CADM1: variants seen among roughly 807,000 people sequenced by gnomAD.
CADM1 encodes cell adhesion molecule 1, also known as TSLC-1.
A neutral mutation model predicts 53.1 loss-of-function variants in CADM1; 15 were observed. That is an observed-to-expected ratio of 0.28 (90% CI 0.19 to 0.44). CADM1 has a LOEUF of 0.44. Among genes scored for constraint, CADM1 ranks in the 20% least tolerant of loss-of-function variants. The pLI, the probability that CADM1 is intolerant of heterozygous loss-of-function variation, is 1.00. For missense variants in CADM1, 434 were observed against 611.3 expected (o/e 0.71, Z 3.06); for synonymous variants, 281 against 243.0 (o/e 1.16, Z -1.45).
At chr11:115,482,139 C>T (rs748700020) in intron 1 of CADM1, among the ~76,000 whole-genome samples, 11 of 152,100 alleles carry the variant, frequency 7.2e-5, no homozygotes, top group Non-Finnish European at 1.5e-4. Context: ...GGAAAAACTC[C>T]TCTAATACCG....
chr11:115,175,858 T>A lies in CADM1; in HGVS notation c.*616A>T. The stretch of plus-strand genomic sequence containing the variant: ...TTGAAACATGGGCAGCAGCAAAGAG[T>A]TTTCATTGTTTGTTCACCCAAATCT... On this transcript the variant is annotated 3_prime_UTR_variant, in exon 12 of 12. Transcript: ENST00000331581. The A allele has an allele frequency of 1.0e-6, 1 of 992,836 alleles. No individual in the cohort carries two copies. Among genetic ancestry groups the A allele is most frequent in the Non-Finnish European group, 1.2e-6 (1 of 834,262 alleles). The allele number at this position is 992,836 out of a possible 1,614,324, so 61.5% of individuals were successfully genotyped here.
chr11:115,437,109 A>G (rs1948200915), intron 1 of CADM1, among the ~76,000 whole-genome samples: 1 of 152,226 alleles, frequency 6.6e-6, no homozygotes. Flanking sequence ...CAGCAGAGTA[A>G]TAAGTTCTAA....
At chr11:115,501,787 C>T (rs1459836445) in intron 1 of CADM1, among the ~76,000 whole-genome samples, 4 of 152,104 alleles carry the variant, frequency 2.6e-5, no homozygotes, top group Non-Finnish European at 4.4e-5. Flanking sequence ...AACTGGAGGC[C>T]TCTGAGAAAG....
At chr11:115,230,888 G>A (rs539777441) in intron 4 of CADM1, among the ~76,000 whole-genome samples, 12 of 152,312 alleles carry the variant, frequency 7.9e-5, no homozygotes, top group Non-Finnish European at 1.2e-4. Context: ...TGCAATAGAC[G>A]TCAGAATGAC....
intron 1 of CADM1, among the ~76,000 whole-genome samples, chr11:115,381,909 G>A (rs545177877): frequency 5.9e-5 from 9 of 152,110 alleles, no homozygotes; most frequent in Non-Finnish European, 7.4e-5. Flanking sequence ...GCAGTGGCCC[G>A]ATCTCGGCTC....
At chr11:115,387,364 G>C (rs1025839053) in intron 1 of CADM1, among the ~76,000 whole-genome samples, 5 of 152,004 alleles carry the variant, frequency 3.3e-5, no homozygotes, top group East Asian at 1.9e-4. Flanking sequence ...ACAAAGATGG[G>C]AAAGATAAAA....
chr11:115,424,351 C>CTA (rs1947834054), intron 1 of CADM1, among the ~76,000 whole-genome samples: 1 of 152,102 alleles, frequency 6.6e-6, no homozygotes, highest in African/African-American at 2.4e-5. Context: ...ATAACAGGTG[C>CTA]TATATCATGT....
chr11:115,205,107 A>G (rs981454521), intron 8 of CADM1, among the ~76,000 whole-genome samples: 1 of 152,196 alleles, frequency 6.6e-6, no homozygotes, highest in Non-Finnish European at 1.5e-5. Context: ...AATTTATGAC[A>G]GTCACATGTC....
intron 1 of CADM1, among the ~76,000 whole-genome samples, chr11:115,405,455 T>C (rs1156963429): frequency 1.3e-5 from 2 of 152,192 alleles, no homozygotes; most frequent in Non-Finnish European, 2.9e-5. Context: ...GCAACTCCAC[T>C]TCCAGGTGTT....
intron 8 of CADM1, among the ~76,000 whole-genome samples, chr11:115,204,390 T>C (rs1940581395): frequency 6.6e-6 from 1 of 152,228 alleles, no homozygotes; most frequent in Non-Finnish European, 1.5e-5. Context: ...TGGGTTCCAA[T>C]GTGTGTAACC....
intron 1 of CADM1, among the ~76,000 whole-genome samples, chr11:115,441,801 C>T (rs1186300559): frequency 1.3e-5 from 2 of 152,046 alleles, no homozygotes; most frequent in African/African-American, 4.8e-5. Flanking sequence ...TTCAACTGAT[C>T]TTAAGTTCAA....
At chr11:115,252,037 A>C (rs1256474847) in intron 1 of CADM1, among the ~76,000 whole-genome samples, 3 of 152,214 alleles carry the variant, frequency 2.0e-5, no homozygotes, top group African/African-American at 7.2e-5. Context: ...CATCACTGAA[A>C]TTAGAGATAA....
intron 1 of CADM1, among the ~76,000 whole-genome samples, chr11:115,301,022 T>C (rs966770681): frequency 6.6e-6 from 1 of 152,050 alleles, no homozygotes; most frequent in Non-Finnish European, 1.5e-5. Flanking sequence ...ACCTCCTTTA[T>C]TGCTCACAGT....
At chr11:115,340,658 A>ATTTTTTTTTTT (rs869273547) in intron 1 of CADM1, among the ~76,000 whole-genome samples, 14 of 34,942 alleles carry the variant, frequency 4.0e-4, no homozygotes, top group East Asian at 3.3e-3. Flanking sequence ...ATATATATAT[A>ATTTTTTTTTTT]TTTTTTTTTT....
At chr11:115,279,753 AT>A (rs1943538355) in intron 1 of CADM1, among the ~76,000 whole-genome samples, 1 of 152,228 alleles carries the variant, frequency 6.6e-6, no homozygotes, top group Non-Finnish European at 1.5e-5. Context: ...TTTATAAAAA[AT>A]ATATGTAATT....
intron 1 of CADM1, among the ~76,000 whole-genome samples, chr11:115,487,943 G>A (rs1396812512): frequency 1.3e-5 from 2 of 151,844 alleles, no homozygotes; most frequent in Non-Finnish European, 2.9e-5. Flanking sequence ...CTTGACAGTA[G>A]GTCATGCTGA....
At chr11:115,360,832 T>G (rs548099497) in intron 1 of CADM1, among the ~76,000 whole-genome samples, 1 of 152,306 alleles carries the variant, frequency 6.6e-6, no homozygotes, top group Admixed American at 6.5e-5. Flanking sequence ...TCTTACTAGG[T>G]TCCTAAAACC....
intron 6 of CADM1, among the ~76,000 whole-genome samples, chr11:115,216,042 AATGGCAAATGGGCCTGCCTGGC>A (rs1941169016): frequency 6.6e-6 from 1 of 152,244 alleles, no homozygotes; most frequent in Non-Finnish European, 1.5e-5. Flanking sequence ...CCTTGTAGGC[AATGGCAAATGGGCCTGCCTGGC>A]AATCAGACGT....
intron 1 of CADM1, among the ~76,000 whole-genome samples, chr11:115,323,306 T>C (rs1163261966): frequency 6.6e-6 from 1 of 152,194 alleles, no homozygotes; most frequent in East Asian, 1.9e-4. Context: ...ATATTGTATC[T>C]ATAATCTTCC....
Sources: allele counts gnomAD v4.1 joint callset (sites outside exome capture counted in the v4.1 genomes callset), GRCh38; gene constraint gnomAD v4.1.1; transcripts MANE v1.5; gene names NCBI Gene and HGNC (gene_info 2026-07-23, HGNC 2026-07-21).